The following SNX25 variants were observed in gnomAD, a reference collection of about 807,000 sequenced individuals.
SNX25 encodes sorting nexin-25.
SNX25 carries 62 observed loss-of-function variants against 113.7 expected under a neutral mutation model. The observed-to-expected ratio is 0.55, with a 90% CI of 0.44 to 0.67. The LOEUF (loss-of-function observed/expected upper bound fraction) is 0.67. Ranked by LOEUF, SNX25 falls within the 30% of genes least tolerant of loss-of-function variation. The pLI is 0.00. For missense variants in SNX25, 1,014 were observed against 1,161.0 expected, an observed-to-expected ratio of 0.87 and a Z score of 1.84; for synonymous variants, 421 against 436.2, an observed-to-expected ratio of 0.97 and a Z score of 0.43.
At chr4:185,212,033 A>G (rs924414339) in intron 1 of SNX25, among the ~76,000 whole-genome samples, 5 of 152,262 alleles carry the variant, frequency 3.3e-5, no homozygotes, top group African/African-American at 1.2e-4. Context: ...ATCTCTCATG[A>G]ATACTACCCG....
At chr4:185,289,237 A>T (rs979645972) in intron 6 of SNX25, among the ~76,000 whole-genome samples, 1 of 152,226 alleles carries the variant, frequency 6.6e-6, no homozygotes, top group Non-Finnish European at 1.5e-5. Context: ...CCGATTCCCT[A>T]AACTAGGCTG....
intron 5 of SNX25, among the ~76,000 whole-genome samples, chr4:185,281,550 C>A (rs1750561421): frequency 6.6e-6 from 1 of 152,180 alleles, no homozygotes; most frequent in South Asian, 2.1e-4. Flanking sequence ...CTTTACTACT[C>A]TGATACACTT....
intron 14 of SNX25, 57 bp downstream of exon 14, chr4:185,351,666 C>T (rs2095315411): frequency 1.3e-6 from 2 of 1,556,234 alleles, no homozygotes; most frequent in Non-Finnish European, 8.7e-7. Flanking sequence ...ATACTAAGCT[C>T]ATGCTCCTCA....
At chr4:185,248,754 A>G (rs1338569474) in intron 2 of SNX25, among the ~76,000 whole-genome samples, 4 of 152,238 alleles carry the variant, frequency 2.6e-5, no homozygotes, top group Non-Finnish European at 4.4e-5. Context: ...TAATTTTCAT[A>G]AATGTGCATA....
intron 9 of SNX25, among the ~76,000 whole-genome samples, chr4:185,325,610 C>T (rs949569585): frequency 6.0e-5 from 9 of 151,230 alleles, no homozygotes; most frequent in African/African-American, 1.2e-4. Flanking sequence ...TTGCATACAG[C>T]GCAGTAAGAA....
intron 11 of SNX25, chr4:185,369,703 AAAGTAATTTAGGGTTCC>A: frequency 2.4e-6 from 1 of 416,552 alleles, no homozygotes; most frequent in Non-Finnish European, 4.7e-6. Flanking sequence ...TTTTAATTTT[AAAGTAATTTAGGGTTCC>A]CAAACTTACC....
At position 185,224,455 on chromosome 4, in the gene SNX25, ATAG is replaced by A. The variant is rs1439561468; in HGVS notation, c.429+14201_429+14203del. Among the ~76,000 whole-genome samples the A allele has an allele frequency of 2.8e-3, 73 of 26,088 alleles. 1 individual carries two copies. The highest frequency in any genetic ancestry group is 9.6e-3 in the South Asian group (6 of 626). 17.1% of individuals were successfully genotyped at this position (26,088 alleles called of 152,430 possible). On this transcript the variant is annotated intron_variant, in intron 1 of 18. Coordinates refer to ENST00000652585, the MANE Select transcript of SNX25 (RefSeq NM_001378034.2). Reference sequence around the variant, plus strand: ...AATATATAGATATATAAATATATATATAGATATATAAATATATAAATATATAGA... The same window carrying A: ...AATATATAGATATATAAATATATATAATATATAAATATATAAATATATAGA...
chr4:185,374,351 T>G (rs1005998827), downstream of SNX25: 1 of 1,614,002 alleles, frequency 6.2e-7, no homozygotes, highest in African/African-American at 1.3e-5. Flanking sequence ...GTTTAACACC[T>G]TTTCCTTCAT....
intron 11 of SNX25, 72 bp from the exon 12 acceptor site, chr4:185,341,904 C>T: frequency 6.7e-7 from 1 of 1,483,336 alleles, no homozygotes; most frequent in Admixed American, 2.2e-5. Context: ...CTTAGGGGGA[C>T]ACTTACAGAT....
intron 5 of SNX25, among the ~76,000 whole-genome samples, chr4:185,280,048 CAG>C (rs1199511395): frequency 6.6e-6 from 1 of 152,058 alleles, no homozygotes; most frequent in East Asian, 1.9e-4. Flanking sequence ...AGCCTCAGCC[CAG>C]TCCCAAGTAG....
At chr4:185,350,969 A>G (rs907308683) in intron 13 of SNX25, among the ~76,000 whole-genome samples, 7 of 152,224 alleles carry the variant, frequency 4.6e-5, no homozygotes, top group African/African-American at 1.7e-4. Flanking sequence ...TAGTGCCACC[A>G]TGTGAAAACT....
At chr4:185,309,383 G>A (rs534627921) in intron 6 of SNX25, among the ~76,000 whole-genome samples, 1 of 152,312 alleles carries the variant, frequency 6.6e-6, no homozygotes, top group East Asian at 1.9e-4. Flanking sequence ...ATTCTACTTT[G>A]CAGAGGCAGA....
chr4:185,271,493 C>T (rs1748928480), intron 5 of SNX25, among the ~76,000 whole-genome samples: 1 of 152,224 alleles, frequency 6.6e-6, no homozygotes, highest in Admixed American at 6.5e-5. Context: ...AAGTGATCCA[C>T]TCGCCTCGGT....
At chr4:185,370,660 C>T (rs376641153), downstream of SNX25, 126 of 1,613,900 alleles carry the variant, frequency 7.8e-5, no homozygotes, top group East Asian at 8.2e-4. Context: ...TAGTGTTTAG[C>T]GGTTGTTTCA....
intron 12 of SNX25, among the ~76,000 whole-genome samples, chr4:185,343,102 G>A (rs2095268492): frequency 6.6e-6 from 1 of 152,104 alleles, no homozygotes; most frequent in East Asian, 1.9e-4. Context: ...TGTTGGCCAG[G>A]CTGGTCTCGA....
At chr4:185,213,616 GTCTT>G (rs572689507) in intron 1 of SNX25, among the ~76,000 whole-genome samples, 38 of 152,260 alleles carry the variant, frequency 2.5e-4, no homozygotes, top group Non-Finnish European at 4.9e-4. Context: ...GTCCAAGGTT[GTCTT>G]TCTATCTTCT....
chr4:185,323,725 T>C lies in SNX25; in HGVS notation c.1674T>C (p.Ser558=), dbSNP rs1298946206. Residue 558 remains serine (S), a synonymous_variant, in exon 9 of 19, where the codon AGT becomes AGC. Coordinates refer to ENST00000652585, the MANE Select transcript of SNX25 (RefSeq NM_001378034.2). ...GGTATTACCCTTCATTTATTGTCAGTGACCTGTATGAGAAATTGTTGATAA... is the reference window on the plus strand; with the variant it reads ...GGTATTACCCTTCATTTATTGTCAGCGACCTGTATGAGAAATTGTTGATAA... The part of the protein sequence containing the change: ...KDRYYPSFIV[S]DLYEKLLIKE... 2 of 1,613,784 alleles carry C rather than the reference T, an allele frequency of 1.2e-6. No individual in the cohort carries two copies. Among genetic ancestry groups the C allele is most frequent in the Non-Finnish European group, 1.7e-6 (2 of 1,179,838 alleles).
Position 185,332,708 on chromosome 4 carries a change from T to A in SNX25, c.1863T>A (p.Tyr621Ter). The A allele has an allele frequency of 3.7e-6, 6 of 1,614,082 alleles. No homozygotes were observed. The highest frequency in any genetic ancestry group is 5.1e-6 in the Non-Finnish European group (6 of 1,179,992). Residue 621 changes from tyrosine (Y) to a stop codon, truncating the protein, a stop_gained, in exon 10 of 19, where the codon TAT becomes TAA. Coordinates refer to ENST00000652585, the MANE Select transcript of SNX25 (RefSeq NM_001378034.2). LOFTEE classifies it high-confidence loss of function. Reference protein sequence around the residue: ...KLRELNEKLEYKRQALNSIQN... With the variant: ...KLRELNEKLE ...GAGAACTAAATGAGAAACTTGAATA[T>A]AAAAGGCAAGCTCTAAATTCTATTC...
intron 1 of SNX25, among the ~76,000 whole-genome samples, chr4:185,241,517 AGAGGGAGAG>A (rs773493743): frequency 0.033 from 1,511 of 45,358 alleles, 302 homozygotes; most frequent in Middle Eastern, 0.083. Flanking sequence ...GGGGAGAGGG[AGAGGGAGAG>A]GAGGGAGAGG....
Sources: allele counts gnomAD v4.1 joint callset (sites outside exome capture counted in the v4.1 genomes callset), GRCh38; gene constraint gnomAD v4.1.1; transcripts MANE v1.5; gene names NCBI Gene and HGNC (gene_info 2026-07-23, HGNC 2026-07-21).